Variants in SREK1IP1 observed in about 807,000 individuals in gnomAD.
SREK1IP1 encodes SREK1 interacting protein 1, also known as protein SREK1IP1.
A neutral mutation model predicts 22.8 loss-of-function variants in SREK1IP1; 12 were observed. The ratio of observed to expected loss-of-function variants is 0.53; its 90% CI spans 0.34 to 0.85. The LOEUF is 0.85. Ranked by LOEUF, SREK1IP1 falls within the 40% of genes least tolerant of loss-of-function variation. SREK1IP1 has a pLI of 0.02. For missense variants in SREK1IP1, 147 were observed against 171.8 expected (o/e 0.86, Z 0.81); for synonymous variants, 53 against 52.7 (o/e 1.01, Z -0.02).
intron 3 of SREK1IP1, among the ~76,000 whole-genome samples, chr5:64,737,931 G>A (rs1249048651): frequency 6.6e-6 from 1 of 152,152 alleles, no homozygotes; most frequent in African/African-American, 2.4e-5. Context: ...CACTGGGTCA[G>A]TAATCCTCCC....
intron 1 of SREK1IP1, among the ~76,000 whole-genome samples, chr5:64,757,200 C>T (rs1468099249): frequency 6.6e-6 from 1 of 152,178 alleles, no homozygotes; most frequent in Non-Finnish European, 1.5e-5. Context: ...AATTTGGGGC[C>T]AGCCTGGGCA....
At chr5:64,746,928 G>A (rs191946548) in intron 2 of SREK1IP1, among the ~76,000 whole-genome samples, 5 of 152,236 alleles carry the variant, frequency 3.3e-5, no homozygotes, top group Admixed American at 6.5e-5. Flanking sequence ...TCTCAAATTC[G>A]AAAATTTGCT....
At position 64,724,470 on chromosome 5, in the gene SREK1IP1, C is replaced by CT; in HGVS notation, c.381dup (p.Gly128ArgfsTer21). On this transcript the variant is annotated frameshift_variant, in exon 5 of 5. Transcript: ENST00000513458. LOFTEE classifies it high-confidence loss of function. ...TTTTTTTCCTTTTTGTGATGTTTCC[C>CT]TTTTTTTGATTTACTCTTTTTTTCT... 4 of 1,590,742 alleles carry CT rather than the reference C, an allele frequency of 2.5e-6. No homozygotes were observed. The highest frequency in any genetic ancestry group is 1.7e-4 in the Middle Eastern group (1 of 5,894).
intron 4 of SREK1IP1, among the ~76,000 whole-genome samples, chr5:64,725,107 T>C (rs1742241410): frequency 1.3e-5 from 2 of 152,050 alleles, no homozygotes; most frequent in African/African-American, 4.8e-5. Flanking sequence ...AGACGGAGAG[T>C]GATACAGATG....
At chr5:64,749,085 T>TA (rs1320167897) in intron 2 of SREK1IP1, among the ~76,000 whole-genome samples, 38 of 147,420 alleles carry the variant, frequency 2.6e-4, no homozygotes, top group African/African-American at 9.1e-4. Context: ...ATAATAATAA[T>TA]AATAATAATA....
chr5:64,733,964 C>A (rs140953421), intron 3 of SREK1IP1, among the ~76,000 whole-genome samples: 1 of 151,880 alleles, frequency 6.6e-6, no homozygotes, highest in East Asian at 1.9e-4. Flanking sequence ...GGCTTAGGAA[C>A]GTGGTGAGGG....
At chr5:64,752,183 G>T (rs1375087128) in intron 2 of SREK1IP1, among the ~76,000 whole-genome samples, 3 of 115,220 alleles carry the variant, frequency 2.6e-5, no homozygotes, top group Non-Finnish European at 4.9e-5. Flanking sequence ...ATGGAGTCTC[G>T]CTCCATCGCC....
chr5:64,768,544 C>G lies in SREK1IP1; in HGVS notation c.-27G>C, dbSNP rs1307759986. On this transcript the variant is annotated 5_prime_UTR_variant, in exon 1 of 5. Coordinates refer to ENST00000513458, the MANE Select transcript of SREK1IP1 (RefSeq NM_173829.4). The stretch of plus-strand genomic sequence containing the variant: ...ACGGTGGTAAGAGGGGTAACTCGAG[C>G]CTCTGGCTTTCGAAAAGGCGCTTGC... The G allele has an allele frequency of 2.5e-6, 4 of 1,613,996 alleles. No homozygotes were observed. In the East Asian group the frequency reaches 6.7e-5, roughly 27 times the overall value.
chr5:64,746,081 G>A (rs917379841), intron 2 of SREK1IP1, among the ~76,000 whole-genome samples: 5 of 152,158 alleles, frequency 3.3e-5, no homozygotes, highest in Non-Finnish European at 7.3e-5. Context: ...TATACATAGC[G>A]AACTGAGTTT....
At chr5:64,756,870 C>T (rs924451803) in intron 1 of SREK1IP1, among the ~76,000 whole-genome samples, 28 of 152,106 alleles carry the variant, frequency 1.8e-4, no homozygotes, top group African/African-American at 6.5e-4. Context: ...TCATGATCCG[C>T]CTGCCTTAGC....
intron 2 of SREK1IP1, among the ~76,000 whole-genome samples, chr5:64,749,270 G>A (rs1367630425): frequency 6.6e-6 from 1 of 151,818 alleles, no homozygotes; most frequent in African/African-American, 2.4e-5. Flanking sequence ...ATTTAACCAG[G>A]CTTTAGCTCT....
chr5:64,761,691 G>A (rs1488144516), intron 1 of SREK1IP1, among the ~76,000 whole-genome samples: 1 of 152,202 alleles, frequency 6.6e-6, no homozygotes, highest in Non-Finnish European at 1.5e-5. Context: ...ACATCATTTT[G>A]TGGTGCATGA....
At chr5:64,738,166 A>T (rs145547288) in intron 3 of SREK1IP1, among the ~76,000 whole-genome samples, 1 of 152,206 alleles carries the variant, frequency 6.6e-6, no homozygotes, top group African/African-American at 2.4e-5. Context: ...TATATGCAAC[A>T]ATCTTCAGCA....
rs745489772 is a variant in SREK1IP1, at chr5:64,724,477, T to G, written c.375A>C (p.Ser125=). The change falls in exon 5 of 5, where the codon TCA becomes TCC. Residue 125 remains serine, a synonymous_variant. Transcript: ENST00000513458. ...CCTTTTTGTGATGTTTCCCTTTTTT[T>G]GATTTACTCTTTTTTTCTTTTTTCT... ...KEKKKEKKSK[S]KKGKHHKKEK... The G allele has an allele frequency of 1.3e-6, 2 of 1,594,250 alleles. No homozygotes were observed. The highest frequency in any genetic ancestry group is 1.7e-6 in the Non-Finnish European group (2 of 1,174,400).
intron 3 of SREK1IP1, among the ~76,000 whole-genome samples, chr5:64,728,716 CT>C (rs150542165): frequency 5.3e-5 from 8 of 151,894 alleles, no homozygotes; most frequent in African/African-American, 1.4e-4. Flanking sequence ...TATTTTGCAG[CT>C]TTTTTTTCAC....
At chr5:64,763,126 G>A (rs1444869749) in intron 1 of SREK1IP1, among the ~76,000 whole-genome samples, 1 of 152,054 alleles carries the variant, frequency 6.6e-6, no homozygotes, top group East Asian at 1.9e-4. Flanking sequence ...AGGAGAACTA[G>A]CAAACCAATC....
intron 3 of SREK1IP1, among the ~76,000 whole-genome samples, chr5:64,732,068 T>C (rs2112090092): frequency 6.6e-6 from 1 of 152,334 alleles, no homozygotes; most frequent in East Asian, 1.9e-4. Flanking sequence ...TATAGGCTAC[T>C]TATCTCTATT....
At chr5:64,743,785 A>G (rs748050005) in intron 2 of SREK1IP1, among the ~76,000 whole-genome samples, 32 of 152,184 alleles carry the variant, frequency 2.1e-4, no homozygotes, top group Non-Finnish European at 4.3e-4. Context: ...GTTTCCACTT[A>G]TCACCAGTAG....
intron 3 of SREK1IP1, among the ~76,000 whole-genome samples, chr5:64,731,705 A>G (rs1438224082): frequency 6.6e-6 from 1 of 152,168 alleles, no homozygotes; most frequent in Non-Finnish European, 1.5e-5. Flanking sequence ...GTGAGTTATT[A>G]AAGACAATCA....
Sources: allele counts gnomAD v4.1 joint callset (sites outside exome capture counted in the v4.1 genomes callset), GRCh38; gene constraint gnomAD v4.1.1; transcripts MANE v1.5; gene names NCBI Gene and HGNC (gene_info 2026-07-23, HGNC 2026-07-21).